CAMK2D: variants seen among roughly 807,000 people sequenced by gnomAD.
The protein encoded by CAMK2D is calcium/calmodulin-dependent protein kinase type II subunit delta.
CAMK2D carries 37 observed loss-of-function variants against 84.0 expected under a neutral mutation model. That is an observed-to-expected ratio of 0.44 (90% CI 0.34 to 0.58). CAMK2D has a LOEUF of 0.58. Ranked by LOEUF, CAMK2D falls within the 20% of genes least tolerant of loss-of-function variation. The pLI is 0.02. For missense variants in CAMK2D, 448 were observed against 652.5 expected (o/e 0.69, Z 3.41); for synonymous variants, 202 against 212.5 (o/e 0.95, Z 0.43).
At chr4:113,553,888 T>C (rs1341167912) in intron 4 of CAMK2D, among the ~76,000 whole-genome samples, 2 of 152,206 alleles carry the variant, frequency 1.3e-5, no homozygotes, top group East Asian at 3.8e-4. Flanking sequence ...TACTGTTGCC[T>C]GTATAGTGAC....
intron 2 of CAMK2D, among the ~76,000 whole-genome samples, chr4:113,692,700 TCATA>T (rs1267179295): frequency 1.3e-5 from 2 of 151,918 alleles, no homozygotes; most frequent in Admixed American, 6.6e-5. Context: ...ATACATATAT[TCATA>T]CATATTCATA....
intron 17 of CAMK2D, 68 bp from the exon 18 acceptor site, chr4:113,460,309 T>TA: frequency 1.1e-6 from 1 of 876,472 alleles, no homozygotes; most frequent in Non-Finnish European, 1.9e-6. Flanking sequence ...GTTTCATGTG[T>TA]AAACATTCTG....
At chr4:113,620,869 T>C (rs770111581) in intron 3 of CAMK2D, among the ~76,000 whole-genome samples, 3 of 152,196 alleles carry the variant, frequency 2.0e-5, no homozygotes, top group Non-Finnish European at 4.4e-5. Flanking sequence ...TAATTTTTGG[T>C]ATTTTATTAC....
intron 4 of CAMK2D, among the ~76,000 whole-genome samples, chr4:113,562,179 TA>T (rs1335651126): frequency 6.6e-6 from 1 of 152,232 alleles, no homozygotes; most frequent in Non-Finnish European, 1.5e-5. Flanking sequence ...AATTATGGAA[TA>T]TTTTTCTAAG....
chr4:113,459,259 C>T (rs1215714115), intron 18 of CAMK2D, among the ~76,000 whole-genome samples: 1 of 152,076 alleles, frequency 6.6e-6, no homozygotes, highest in Non-Finnish European at 1.5e-5. Context: ...CGTTCTGTCA[C>T]CCAGGCAGGA....
intron 3 of CAMK2D, among the ~76,000 whole-genome samples, chr4:113,637,713 T>C (rs949269440): frequency 2.0e-5 from 3 of 152,152 alleles, no homozygotes; most frequent in Non-Finnish European, 4.4e-5. Flanking sequence ...TTCTATAAAA[T>C]ATCTACCTAG....
At chr4:113,726,830 C>G (rs2099547244) in intron 2 of CAMK2D, among the ~76,000 whole-genome samples, 1 of 152,114 alleles carries the variant, frequency 6.6e-6, no homozygotes, top group Non-Finnish European at 1.5e-5. Context: ...TATTACTAGT[C>G]AAAGGGCTGC....
Position 113,546,910 on chromosome 4 carries a change from TG to T in CAMK2D, c.414+733del, listed in dbSNP as rs1216403317. Among the ~76,000 whole-genome samples, 3 of 152,342 alleles carry T rather than the reference TG, an allele frequency of 2.0e-5. 1 individual carries two copies. In the South Asian group the frequency reaches 6.2e-4, roughly 32 times the overall value. ...ATTTCTAAATGATCTAAAAATTCTC[TG>T]TCCTCAAGGGTATCAGAAGCTGAGT... On this transcript the variant is annotated intron_variant, in intron 6 of 20. Coordinates refer to ENST00000511664, the MANE Select transcript of CAMK2D (RefSeq NM_001321571.2).
At chr4:113,514,565 G>T (rs1363813549) in intron 10 of CAMK2D, among the ~76,000 whole-genome samples, 1 of 152,044 alleles carries the variant, frequency 6.6e-6, no homozygotes, top group Non-Finnish European at 1.5e-5. Context: ...GACACATTTG[G>T]AAATTTACTG....
intron 7 of CAMK2D, among the ~76,000 whole-genome samples, chr4:113,535,111 T>C (rs1460713035): frequency 6.6e-6 from 1 of 152,142 alleles, no homozygotes; most frequent in Non-Finnish European, 1.5e-5. Context: ...ATTCCTGATA[T>C]CCTATCATCA....
At chr4:113,639,336 T>C (rs1258754195) in intron 3 of CAMK2D, among the ~76,000 whole-genome samples, 1 of 152,132 alleles carries the variant, frequency 6.6e-6, no homozygotes, top group Non-Finnish European at 1.5e-5. Context: ...TATACCATAC[T>C]CTGTGCTGGA....
At chr4:113,632,428 G>T (rs995511702) in intron 3 of CAMK2D, among the ~76,000 whole-genome samples, 1 of 151,946 alleles carries the variant, frequency 6.6e-6, no homozygotes, top group African/African-American at 2.4e-5. Flanking sequence ...TCATTATGTT[G>T]GTCAGGCTGG....
chr4:113,542,646 C>T (rs539545161), intron 6 of CAMK2D, among the ~76,000 whole-genome samples: 6 of 151,026 alleles, frequency 4.0e-5, no homozygotes, highest in South Asian at 4.2e-4. Context: ...ACCAGGGAGG[C>T]GGAGCTTGCA....
chr4:113,678,643 T>C (rs540191929), intron 2 of CAMK2D, among the ~76,000 whole-genome samples: 2 of 152,084 alleles, frequency 1.3e-5, no homozygotes, highest in Non-Finnish European at 1.5e-5. Flanking sequence ...TTGTAGCTAT[T>C]TGAAAATATA....
intron 4 of CAMK2D, among the ~76,000 whole-genome samples, chr4:113,587,591 T>G (rs1315325552): frequency 1.3e-5 from 2 of 152,154 alleles, no homozygotes; most frequent in East Asian, 3.8e-4. Flanking sequence ...GGATTGAGGT[T>G]GCTTTGAGAA....
chr4:113,498,085 T>C (rs1315666472), intron 16 of CAMK2D, among the ~76,000 whole-genome samples: 1 of 152,198 alleles, frequency 6.6e-6, no homozygotes, highest in Non-Finnish European at 1.5e-5. Flanking sequence ...AGTTATAGAA[T>C]GTTAGATATA....
chr4:113,553,241 C>T (rs909774810), intron 4 of CAMK2D, among the ~76,000 whole-genome samples: 10 of 152,098 alleles, frequency 6.6e-5, no homozygotes, highest in African/African-American at 1.9e-4. Context: ...GATCACACAG[C>T]GTTTAGTGAC....
chr4:113,692,671 C>T (rs973975586), intron 2 of CAMK2D, among the ~76,000 whole-genome samples: 3 of 150,704 alleles, frequency 2.0e-5, no homozygotes, highest in South Asian at 2.1e-4. Flanking sequence ...TATATTCATA[C>T]ATACATACTC....
chr4:113,753,861 A>G (rs1239812346), intron 2 of CAMK2D: 40 of 984,630 alleles, frequency 4.1e-5, no homozygotes, highest in South Asian at 4.7e-5. Context: ...AATCAATACT[A>G]TATGAAAGGC....
Sources: allele counts gnomAD v4.1 joint callset (sites outside exome capture counted in the v4.1 genomes callset), GRCh38; gene constraint gnomAD v4.1.1; transcripts MANE v1.5; gene names NCBI Gene and HGNC (gene_info 2026-07-23, HGNC 2026-07-21).